Variants in KLHL12 observed in about 807,000 individuals in gnomAD.
KLHL12 encodes kelch like family member 12, also known as kelch-like protein 12.
Under a neutral mutation model 60.8 loss-of-function variants are expected in KLHL12, and 17 were observed. The ratio of observed to expected loss-of-function variants is 0.28; its 90% CI spans 0.19 to 0.42. The LOEUF is 0.42. KLHL12 is among the 10% of genes least tolerant of loss of function. The pLI is 1.00. For missense variants in KLHL12, 468 were observed against 722.3 expected, an observed-to-expected ratio of 0.65 and a Z score of 4.04; for synonymous variants, 220 against 250.9, an observed-to-expected ratio of 0.88 and a Z score of 1.16.
Position 202,892,359 on chromosome 1 carries a change from C to G in KLHL12, c.*174G>C, listed in dbSNP as rs1488301407. The stretch of plus-strand genomic sequence containing the variant: ...ATCTGTTACCCACCCTTCTCAGGAA[C>G]AAGAACCAGGACGACGGGGAGTATG... On this transcript the variant is annotated 3_prime_UTR_variant, in exon 12 of 12. Coordinates refer to ENST00000367261, the MANE Select transcript of KLHL12 (RefSeq NM_021633.4). 1 of 626,866 alleles carries G rather than the reference C, an allele frequency of 1.6e-6. No individual in the cohort carries two copies. Among genetic ancestry groups the G allele is most frequent in the African/African-American group, 1.9e-5 (1 of 53,650 alleles). 38.8% of individuals were successfully genotyped at this position (626,866 alleles called of 1,614,324 possible).
intron 7 of KLHL12, 45 bp downstream of exon 7, chr1:202,896,809 G>A (rs761368712): frequency 4.3e-6 from 6 of 1,384,568 alleles, no homozygotes; most frequent in Non-Finnish European, 6.2e-6. Context: ...CAGAGACTGA[G>A]GACATTTAAC....
At chr1:202,924,934 G>C (rs1391903280) in intron 2 of KLHL12, 34 bp downstream of exon 2, 1 of 1,594,280 alleles carries the variant, frequency 6.3e-7, no homozygotes, top group Non-Finnish European at 8.6e-7. Context: ...GAGTTCCACG[G>C]GTTTCATTTG....
At chr1:202,924,749 C>A (rs1393193476) in intron 2 of KLHL12, among the ~76,000 whole-genome samples, 1 of 152,196 alleles carries the variant, frequency 6.6e-6, no homozygotes, top group Non-Finnish European at 1.5e-5. Flanking sequence ...ATCTTCACAA[C>A]AACCTTAATA....
Position 202,909,260 on chromosome 1 carries a change from C to A in KLHL12, c.718-136G>T. The A allele has an allele frequency of 1.8e-6, 1 of 545,086 alleles. No individual in the cohort carries two copies. The highest frequency in any genetic ancestry group is 3.3e-6 in the Non-Finnish European group (1 of 302,340). The allele number at this position is 545,086 out of a possible 1,614,324, so 33.8% of individuals were successfully genotyped here. On this transcript the variant is annotated intron_variant, in intron 5 of 11. Coordinates refer to ENST00000367261, the MANE Select transcript of KLHL12 (RefSeq NM_021633.4). This position sits in a 1 kb window ranked among gnomAD's most constrained non-coding sequence, Gnocchi z 4.1. ...AAGCCCTGTGATTCCAGGAGTATTG[C>A]TGGTAGTAACCATGCTCTCGGTTTC...
intron 6 of KLHL12, 53 bp downstream of exon 6, chr1:202,908,957 C>T: frequency 8.9e-7 from 1 of 1,120,092 alleles, no homozygotes; most frequent in South Asian, 1.2e-5. Context: ...ATGTTGTCAC[C>T]TGCAAGAAGT....
At chr1:202,907,542 G>A (rs1044168224) in intron 6 of KLHL12, among the ~76,000 whole-genome samples, 1 of 149,078 alleles carries the variant, frequency 6.7e-6, no homozygotes, top group Non-Finnish European at 1.5e-5. Context: ...AGGTTGTAGT[G>A]AGCCAAGATT....
chr1:202,905,824 A>T (rs1660165916), intron 6 of KLHL12, among the ~76,000 whole-genome samples: 2 of 151,890 alleles, frequency 1.3e-5, no homozygotes, highest in East Asian at 3.9e-4. Flanking sequence ...ATTTTTTTTT[A>T]GACAGAGTCT....
At chr1:202,924,455 C>A (rs550347294) in intron 2 of KLHL12, among the ~76,000 whole-genome samples, 1 of 152,222 alleles carries the variant, frequency 6.6e-6, no homozygotes, top group Non-Finnish European at 1.5e-5. Flanking sequence ...AATTTTTAAA[C>A]TTTAGAAGGA....
chr1:202,911,324 C>A (rs1396813876), intron 4 of KLHL12, 121 bp from the exon 5 acceptor site: 4 of 1,132,766 alleles, frequency 3.5e-6, no homozygotes, highest in East Asian at 4.8e-5. Context: ...TATTTCCCAT[C>A]TTCCAGAAAT....
intron 6 of KLHL12, among the ~76,000 whole-genome samples, chr1:202,899,691 T>C (rs1659945881): frequency 6.6e-6 from 1 of 152,026 alleles, no homozygotes. Context: ...CCGGGTGCAG[T>C]GATGCGCACC....
At chr1:202,927,909 G>A (rs1322512258), upstream of KLHL12, among the ~76,000 whole-genome samples, 1 of 150,988 alleles carries the variant, frequency 6.6e-6, no homozygotes, top group African/African-American at 2.4e-5. Context: ...TAGAACCTGG[G>A]AGGCGGAGGT....
chr1:202,924,834 T>A (rs1653446503), intron 2 of KLHL12, 134 bp downstream of exon 2: 6 of 1,006,820 alleles, frequency 6.0e-6, no homozygotes, highest in African/African-American at 1.6e-5. Context: ...AAGTGGTAGA[T>A]CTTATCCAGA....
In KLHL12 at chr1:202,911,142, T is replaced by C. The variant is rs745336661; in HGVS notation, c.629A>G (p.Glu210Gly). 1.9e-6 allele frequency: 3 copies of C among 1,614,056 alleles called. No individual in the cohort carries two copies. The Admixed American group carries it at 5.0e-5, about 27-fold the overall frequency. Reference sequence around the variant, plus strand: ...CAGGTTAGGCAAGGATTCTTCCCGCTCTTTCTTGGCATGCTTCACCCAGTT... The same window carrying C: ...CAGGTTAGGCAAGGATTCTTCCCGCCCTTTCTTGGCATGCTTCACCCAGTT... ...VINWVKHAKK[E>G]REESLPNLLQ... The change falls in exon 5 of 12, where the codon GAG (glutamate) becomes GGG (glycine). Residue 210 changes from glutamate (E) to glycine (G), a missense_variant. Physicochemically the swap from Glu to Gly is moderately conservative, Grantham distance 98. Transcript: ENST00000367261.
Position 202,903,629 on chromosome 1 carries a change from C to CTTTTTTTTTTTTTTTTT in KLHL12, c.832+5380_832+5381insAAAAAAAAAAAAAAAAA, listed in dbSNP as rs1220119536. Among the ~76,000 whole-genome samples, 152 of 76,078 alleles carry CTTTTTTTTTTTTTTTTT rather than the reference C, an allele frequency of 2.0e-3. 25 individuals carry two copies. The highest frequency in any genetic ancestry group is 5.2e-3 in the East Asian group (12 of 2,296). 49.9% of individuals were successfully genotyped at this position (76,078 alleles called of 152,430 possible). Reference sequence around the variant, plus strand: ...CTGGGACCACTAATTTTTTTCTTTTCTTTTTTTTTTTGAAACGGCGTCTTG... The same window carrying CTTTTTTTTTTTTTTTTT: ...CTGGGACCACTAATTTTTTTCTTTTCTTTTTTTTTTTTTTTTTTTTTTTTTTTTGAAACGGCGTCTTG... On this transcript the variant is annotated intron_variant, in intron 6 of 11. Coordinates refer to ENST00000367261, the MANE Select transcript of KLHL12 (RefSeq NM_021633.4).
chr1:202,916,416 G>A (rs12091309), intron 4 of KLHL12, among the ~76,000 whole-genome samples: 1,558 of 152,326 alleles, frequency 0.01, 28 homozygotes, highest in African/African-American at 0.036. Context: ...CATTTTAGGA[G>A]GCTGAAGTGG....
chr1:202,920,057 T>G (rs1660638973), intron 2 of KLHL12, 149 bp from the exon 3 acceptor site: 1 of 703,818 alleles, frequency 1.4e-6, no homozygotes, highest in African/African-American at 1.8e-5. Flanking sequence ...CTCATGCCTG[T>G]AATCCCAGCA....
intron 4 of KLHL12, chr1:202,912,663 C>A (rs1005062347): frequency 7.7e-7 from 1 of 1,297,150 alleles, no homozygotes; most frequent in Non-Finnish European, 1.1e-6. Context: ...CTCTGCCAAA[C>A]CACGAAACCA....
intron 4 of KLHL12, among the ~76,000 whole-genome samples, chr1:202,915,736 G>T (rs1660503951): frequency 6.6e-6 from 1 of 152,220 alleles, no homozygotes; most frequent in Non-Finnish European, 1.5e-5. Flanking sequence ...CTTACTAGTG[G>T]TGGTATGATG....
intron 8 of KLHL12, 77 bp from the exon 9 acceptor site, chr1:202,894,826 A>G: frequency 7.8e-7 from 1 of 1,284,018 alleles, no homozygotes; most frequent in Non-Finnish European, 1.1e-6. Context: ...AAATTTTCCA[A>G]GGGTCCTTTA....
Sources: gnomAD v4.1 joint callset for allele counts (sites outside exome capture counted in the v4.1 genomes callset) on GRCh38, gnomAD v4.1.1 for gene constraint, Gnocchi (gnomAD v3.1) non-coding constraint, MANE v1.5 for transcripts, NCBI Gene and HGNC (gene_info 2026-07-23, HGNC 2026-07-21) for gene names.